Variants in ICA1L observed in about 807,000 individuals in gnomAD.
ICA1L encodes islet cell autoantigen 1 like.
A neutral mutation model predicts 61.3 loss-of-function variants in ICA1L; 50 were observed. That is an observed-to-expected ratio of 0.82 (90% CI 0.65 to 1.03). ICA1L has a LOEUF of 1.03. Ranked by LOEUF, ICA1L falls within the 50% of genes least tolerant of loss-of-function variation. The probability of loss-of-function intolerance (pLI) is 0.00; values close to 1 mark genes in which losing one functional copy is unlikely to be tolerated. For missense variants in ICA1L, 508 were observed against 556.7 expected, an observed-to-expected ratio of 0.91 and a Z score of 0.88; for synonymous variants, 161 against 191.3, an observed-to-expected ratio of 0.84 and a Z score of 1.31.
intron 5 of ICA1L, 165 bp downstream of exon 5, chr2:202,819,536 A>G: frequency 1.6e-6 from 1 of 609,412 alleles, no homozygotes; most frequent in Middle Eastern, 4.4e-4. Context: ...AGTAAAAATA[A>G]AAGTGTGACA....
rs1448900370 is a variant in ICA1L at position 202,815,918 on chromosome 2, G to A, written c.776C>T (p.Ala259Val). The change falls in exon 7 of 13, where the codon GCT (alanine) becomes GTT (valine). Residue 259 changes from alanine to valine, a missense_variant. By Grantham distance (64) the Ala-to-Val change is moderately conservative. Coordinates refer to ENST00000358299, the MANE Select transcript of ICA1L (RefSeq NM_001288622.3). ...CIGFHPYDFV[A>V]LKQLQDTPSK... is the part of the protein sequence containing the mutation. Reference sequence around the variant, plus strand: ...ACATGGAACACAATGTACCTTGAGAGCTACAAAATCATACGGATGAAAGCC... The same window carrying A: ...ACATGGAACACAATGTACCTTGAGAACTACAAAATCATACGGATGAAAGCC... 2 of 1,576,838 alleles carry A rather than the reference G, an allele frequency of 1.3e-6. No homozygotes were observed. Among genetic ancestry groups the A allele is most frequent in the Non-Finnish European group, 1.7e-6 (2 of 1,161,222 alleles).
chr2:202,818,972 G>C (rs1265838504), intron 5 of ICA1L, among the ~76,000 whole-genome samples: 1 of 152,174 alleles, frequency 6.6e-6, no homozygotes, highest in Admixed American at 6.5e-5. Context: ...CACTCCCTTG[G>C]ACTGTATTCT....
At chr2:202,788,289 T>G (rs1418713460) in intron 11 of ICA1L, among the ~76,000 whole-genome samples, 1 of 152,074 alleles carries the variant, frequency 6.6e-6, no homozygotes, top group Non-Finnish European at 1.5e-5. Flanking sequence ...ATGGCTCTGG[T>G]GTTGAGGCAG....
chr2:202,864,268 G>C (rs1048918284), intron 1 of ICA1L, among the ~76,000 whole-genome samples: 1 of 151,708 alleles, frequency 6.6e-6, no homozygotes, highest in Admixed American at 6.6e-5. Flanking sequence ...TTTCGAGACG[G>C]AGTCTTGCTC....
At chr2:202,835,729 T>G (rs1314373406) in intron 1 of ICA1L, among the ~76,000 whole-genome samples, 2 of 151,706 alleles carry the variant, frequency 1.3e-5, no homozygotes, top group Non-Finnish European at 2.9e-5. Flanking sequence ...TTTTATTTTT[T>G]GTAGAGATGG....
At chr2:202,870,218 T>C (rs897372742) in intron 1 of ICA1L, among the ~76,000 whole-genome samples, 4 of 152,178 alleles carry the variant, frequency 2.6e-5, no homozygotes, top group African/African-American at 7.2e-5. Context: ...TGGTCCTAGT[T>C]CCATAACTGG....
intron 9 of ICA1L, among the ~76,000 whole-genome samples, chr2:202,801,546 C>G (rs1642913759): frequency 6.6e-6 from 1 of 152,212 alleles, no homozygotes; most frequent in African/African-American, 2.4e-5. Flanking sequence ...TTACATTCTT[C>G]AGAAAATTTG....
chr2:202,822,002 T>C (rs1693717110), intron 3 of ICA1L, among the ~76,000 whole-genome samples: 2 of 152,326 alleles, frequency 1.3e-5, no homozygotes, highest in South Asian at 4.1e-4. Context: ...GTGTAGGCCA[T>C]GGACCAGTAT....
chr2:202,787,110 G>A (rs1692611804), intron 11 of ICA1L, among the ~76,000 whole-genome samples: 1 of 152,168 alleles, frequency 6.6e-6, no homozygotes. Context: ...GGAAAGACTG[G>A]TAAAGTCGAG....
intron 4 of ICA1L, among the ~76,000 whole-genome samples, chr2:202,820,680 A>G (rs909984696): frequency 1.3e-5 from 2 of 152,212 alleles, no homozygotes; most frequent in Non-Finnish European, 2.9e-5. Context: ...ATTAAATCCA[A>G]TTCCTCCTTT....
intron 1 of ICA1L, among the ~76,000 whole-genome samples, chr2:202,854,275 A>G (rs1042080229): frequency 7.2e-5 from 11 of 152,184 alleles, no homozygotes; most frequent in Non-Finnish European, 1.6e-4. Flanking sequence ...TAAACCAACA[A>G]AGATCAAAAA....
intron 1 of ICA1L, among the ~76,000 whole-genome samples, chr2:202,846,483 T>G (rs1694467439): frequency 6.6e-6 from 1 of 152,096 alleles, no homozygotes. Flanking sequence ...CAGCTTCAAG[T>G]GGGGGGTTCC....
intron 8 of ICA1L, among the ~76,000 whole-genome samples, chr2:202,812,633 C>CGTGA (rs1020521013): frequency 5.9e-5 from 9 of 151,746 alleles, no homozygotes; most frequent in Non-Finnish European, 1.2e-4. Context: ...GGGGCATGAC[C>CGTGA]TCACAGTTGC....
chr2:202,780,260 A>G (rs1692360272), intron 12 of ICA1L, among the ~76,000 whole-genome samples: 1 of 152,236 alleles, frequency 6.6e-6, no homozygotes, highest in Middle Eastern at 3.4e-3. Context: ...ACATTAGCAC[A>G]CCCAACATTG....
intron 1 of ICA1L, among the ~76,000 whole-genome samples, chr2:202,867,828 G>A (rs896060027): frequency 2.6e-5 from 4 of 152,102 alleles, no homozygotes; most frequent in African/African-American, 4.8e-5. Context: ...TCTTGGAAAC[G>A]CACACAATCC....
At chr2:202,818,069 A>G (rs80271343) in intron 5 of ICA1L, among the ~76,000 whole-genome samples, 3 of 152,338 alleles carry the variant, frequency 2.0e-5, no homozygotes, top group East Asian at 3.9e-4. Context: ...CACCTATTAT[A>G]TGCAAGGCAT....
rs542273431 is a variant in ICA1L at position 202,828,831 on chromosome 2, A to G, written c.162+17T>C. 6.2e-7 allele frequency: 1 copy of G among 1,608,952 alleles called. No individual in the cohort carries two copies. Among genetic ancestry groups the G allele is most frequent in the Admixed American group, 1.7e-5 (1 of 59,974 alleles). ...TAATGGCTGGTTATATGCAATACAT[A>G]GAATCCTCAAATTTACCTCAAGTTT... On this transcript the variant is annotated intron_variant, in intron 2 of 12. Coordinates refer to ENST00000358299, the MANE Select transcript of ICA1L (RefSeq NM_001288622.3).
intron 1 of ICA1L, among the ~76,000 whole-genome samples, chr2:202,844,769 G>A (rs529144613): frequency 1.3e-5 from 2 of 152,292 alleles, no homozygotes; most frequent in South Asian, 4.1e-4. Context: ...TATATTCCCT[G>A]TGTATTAATT....
intron 12 of ICA1L, among the ~76,000 whole-genome samples, chr2:202,785,284 A>T (rs1307275781): frequency 1.3e-5 from 2 of 151,994 alleles, no homozygotes; most frequent in Non-Finnish European, 1.5e-5. Context: ...GCTTGAATGC[A>T]TTCTTTGTCA....
Sources: gnomAD v4.1 joint callset for allele counts (sites outside exome capture counted in the v4.1 genomes callset) on GRCh38, gnomAD v4.1.1 for gene constraint, MANE v1.5 for transcripts, NCBI Gene and HGNC (gene_info 2026-07-23, HGNC 2026-07-21) for gene names.